The following SHISA9 variants were observed in gnomAD, a reference collection of about 807,000 sequenced individuals.
SHISA9 encodes the protein shisa family member 9.
Under a neutral mutation model 38.0 loss-of-function variants are expected in SHISA9, and 13 were observed. The ratio of observed to expected loss-of-function variants is 0.34; its 90% confidence interval spans 0.22 to 0.54. The LOEUF (loss-of-function observed/expected upper bound fraction) is 0.54. Among genes scored for constraint, SHISA9 ranks in the 20% least tolerant of loss-of-function variants. SHISA9 has a pLI of 0.91. For missense variants in SHISA9, 538 were observed against 575.8 expected, an observed-to-expected ratio of 0.93 and a Z score of 0.67; for synonymous variants, 275 against 242.0, an observed-to-expected ratio of 1.14 and a Z score of -1.27.
chr16:13,053,253 G>A (rs928625725), intron 2 of SHISA9, among the ~76,000 whole-genome samples: 8 of 151,706 alleles, frequency 5.3e-5, no homozygotes, highest in East Asian at 1.9e-4. Context: ...GTGAACCATC[G>A]CACGCAGCCC....
chr16:13,343,340 C>A, the SHISA9 span, among the ~76,000 whole-genome samples: 1 of 152,146 alleles, frequency 6.6e-6, no homozygotes, highest in Non-Finnish European at 1.5e-5. Flanking sequence ...ATCTTACATA[C>A]CTTTTCTTTC....
At chr16:13,165,384 A>AT (rs1334186312) in intron 2 of SHISA9, among the ~76,000 whole-genome samples, 7 of 152,082 alleles carry the variant, frequency 4.6e-5, no homozygotes, top group African/African-American at 1.7e-4. Flanking sequence ...AATCCAGTAT[A>AT]TTTCTTTTAT....
intron 2 of SHISA9, among the ~76,000 whole-genome samples, chr16:13,047,064 G>T (rs2073196203): frequency 6.6e-6 from 1 of 152,086 alleles, no homozygotes; most frequent in Admixed American, 6.6e-5. Context: ...CTCTCCAGTG[G>T]CCCTGGTTAG....
At chr16:13,308,781 T>A in the SHISA9 span, among the ~76,000 whole-genome samples, 18 of 152,258 alleles carry the variant, frequency 1.2e-4, no homozygotes, top group Middle Eastern at 3.4e-3. Flanking sequence ...CCCACCACCA[T>A]CCTCTTAGGG....
chr16:13,545,614 G>C, the SHISA9 span, among the ~76,000 whole-genome samples: 1 of 152,142 alleles, frequency 6.6e-6, no homozygotes, highest in African/African-American at 2.4e-5. Flanking sequence ...TTGTGAAATA[G>C]TTCCCTCTCT....
intron 2 of SHISA9, among the ~76,000 whole-genome samples, chr16:13,047,430 G>A (rs542029633): frequency 6.6e-6 from 1 of 152,170 alleles, no homozygotes; most frequent in Admixed American, 6.5e-5. Flanking sequence ...GATTGTGGCA[G>A]ATTTGCAGTT....
intron 2 of SHISA9, among the ~76,000 whole-genome samples, chr16:13,060,563 G>A (rs1002923809): frequency 1.3e-5 from 2 of 150,014 alleles, no homozygotes; most frequent in African/African-American, 4.9e-5. Flanking sequence ...AATACACTCT[G>A]GAGGCTGAGG....
At chr16:13,260,011 T>C in the SHISA9 span, among the ~76,000 whole-genome samples, 12 of 97,828 alleles carry the variant, frequency 1.2e-4, no homozygotes, top group South Asian at 1.1e-3. Context: ...TTCTTTCTTT[T>C]TTTTTTTTTT....
chr16:12,989,896 G>A (rs78445622), intron 2 of SHISA9, among the ~76,000 whole-genome samples: 2,326 of 152,022 alleles, frequency 0.015, 54 homozygotes, highest in African/African-American at 0.053. Context: ...GTGTGAAGCC[G>A]AGCACGCATT....
At chr16:13,505,343 G>C in the SHISA9 span, among the ~76,000 whole-genome samples, 1 of 152,128 alleles carries the variant, frequency 6.6e-6, no homozygotes, top group Non-Finnish European at 1.5e-5. Flanking sequence ...TGGGGGCTTC[G>C]TATATTCTTA....
chr16:13,458,084 A>G, the SHISA9 span, among the ~76,000 whole-genome samples: 1 of 152,264 alleles, frequency 6.6e-6, no homozygotes, highest in African/African-American at 2.4e-5. Flanking sequence ...GGATGAACCT[A>G]TATTGAGCAC....
At chr16:13,452,955 C>T in the SHISA9 span, among the ~76,000 whole-genome samples, 2 of 151,992 alleles carry the variant, frequency 1.3e-5, no homozygotes, top group African/African-American at 2.4e-5. Context: ...GTCACCCAGG[C>T]TGGAGTGCAG....
At chr16:13,091,423 C>A (rs1261479855) in intron 2 of SHISA9, among the ~76,000 whole-genome samples, 3 of 152,226 alleles carry the variant, frequency 2.0e-5, no homozygotes, top group Non-Finnish European at 4.4e-5. Flanking sequence ...CTCCCCATCA[C>A]TTTCAGGTAT....
chr16:13,349,640 C>G, the SHISA9 span, among the ~76,000 whole-genome samples: 1 of 152,164 alleles, frequency 6.6e-6, no homozygotes, highest in Non-Finnish European at 1.5e-5. Context: ...CACATTTTAC[C>G]ATTACTGAAA....
chr16:13,188,716 C>CAAAA (rs35558481), intron 2 of SHISA9, among the ~76,000 whole-genome samples: 3 of 79,338 alleles, frequency 3.8e-5, no homozygotes, highest in Admixed American at 1.8e-4. Context: ...GACCCTGTTT[C>CAAAA]AAAAAAAAAA....
chr16:13,274,370 C>G, the SHISA9 span, among the ~76,000 whole-genome samples: 1 of 151,996 alleles, frequency 6.6e-6, no homozygotes, highest in African/African-American at 2.4e-5. Flanking sequence ...TGGTGTGATT[C>G]CTTATATATA....
At chr16:13,513,821 C>T in the SHISA9 span, among the ~76,000 whole-genome samples, 66 of 152,048 alleles carry the variant, frequency 4.3e-4, no homozygotes, top group Non-Finnish European at 8.7e-4. Flanking sequence ...GGACAACACA[C>T]ACCAGGGCCT....
rs2073346407 is a variant in SHISA9, at chr16:13,059,235, C to A, written c.691+142420C>A. ...CTCCCCCTCCCGGGTTCATGCCATT[C>A]TCTTGCCTCAGCCTCCCGAGTAGCT... On this transcript the variant is annotated intron_variant, in intron 2 of 4. Coordinates refer to ENST00000558583, the MANE Select transcript of SHISA9 (RefSeq NM_001145204.3). Among the ~76,000 whole-genome samples, 7 of 148,002 alleles carry A rather than the reference C, an allele frequency of 4.7e-5. No individual in the cohort carries two copies. In the South Asian group the frequency reaches 1.5e-3, roughly 31 times the overall value.
At chr16:13,019,944 T>C (rs1304381081) in intron 2 of SHISA9, among the ~76,000 whole-genome samples, 2,268 of 68,632 alleles carry the variant, frequency 0.033, 149 homozygotes, top group Non-Finnish European at 0.059. Flanking sequence ...TCTTTCTTTC[T>C]TTCTTTCTTT....
Sources: allele counts gnomAD v4.1 joint callset (sites outside exome capture counted in the v4.1 genomes callset), GRCh38; gene constraint gnomAD v4.1.1; transcripts MANE v1.5; gene names NCBI Gene and HGNC (gene_info 2026-07-23, HGNC 2026-07-21).